The following TENM3 variants were observed in gnomAD, a reference collection of about 807,000 sequenced individuals.
TENM3 encodes teneurin transmembrane protein 3, also known as teneurin-3.
Under a neutral mutation model 255.1 loss-of-function variants are expected in TENM3, and 63 were observed. The ratio of observed to expected loss-of-function variants is 0.25; its 90% confidence interval spans 0.20 to 0.30. TENM3 has a LOEUF of 0.30. Ranked by LOEUF, TENM3 falls within the 10% of genes least tolerant of loss-of-function variation. TENM3 has a pLI of 1.00. For synonymous variants in TENM3, 1,306 were observed against 1,322.3 expected, an observed-to-expected ratio of 0.99 and a Z score of 0.27; for missense variants, 2,929 against 3,461.1, an observed-to-expected ratio of 0.85 and a Z score of 3.86.
intron 3 of TENM3, among the ~76,000 whole-genome samples, chr4:182,559,127 A>ATTTTT (rs70956518): frequency 9.3e-6 from 1 of 107,480 alleles, no homozygotes; most frequent in African/African-American, 3.8e-5. Context: ...ATTCCTCGGG[A>ATTTTT]TTTTTTTTTT....
the TENM3 span, among the ~76,000 whole-genome samples, chr4:181,598,691 A>G: frequency 2.0e-5 from 3 of 151,798 alleles, no homozygotes; most frequent in Non-Finnish European, 1.5e-5. Flanking sequence ...AGCATAAGAA[A>G]AAAAAAAAAG....
intron 3 of TENM3, among the ~76,000 whole-genome samples, chr4:182,530,204 C>G (rs1020388828): frequency 2.6e-5 from 4 of 152,116 alleles, no homozygotes; most frequent in African/African-American, 9.7e-5. Context: ...GGCATTGAAA[C>G]TCAGACCGCA....
At chr4:181,591,590 T>C in the TENM3 span, among the ~76,000 whole-genome samples, 3 of 152,228 alleles carry the variant, frequency 2.0e-5, no homozygotes, top group East Asian at 3.9e-4. Context: ...AAGTCAGGAA[T>C]TGGGCCACAC....
the TENM3 span, among the ~76,000 whole-genome samples, chr4:181,638,999 G>A: frequency 1.3e-5 from 2 of 152,086 alleles, no homozygotes; most frequent in African/African-American, 2.4e-5. Context: ...TGATCTAACT[G>A]GACAAATTGT....
At chr4:181,568,528 C>T in the TENM3 span, among the ~76,000 whole-genome samples, 11 of 152,014 alleles carry the variant, frequency 7.2e-5, no homozygotes, top group Admixed American at 2.6e-4. Flanking sequence ...TTGGGGTCCA[C>T]GTATCCTCAT....
chr4:181,972,436 C>CA, the TENM3 span, among the ~76,000 whole-genome samples: 24,740 of 115,048 alleles, frequency 0.22, 3,120 homozygotes, highest in African/African-American at 0.37. Flanking sequence ...CCTCCTTGTC[C>CA]AAAAAAAAAA....
the TENM3 span, among the ~76,000 whole-genome samples, chr4:181,741,917 T>G: frequency 6.6e-6 from 1 of 152,212 alleles, no homozygotes; most frequent in African/African-American, 2.4e-5. Flanking sequence ...GTTTTCACCC[T>G]CTAGCTACAC....
chr4:182,477,363 C>T (rs144407139), intron 3 of TENM3, among the ~76,000 whole-genome samples: 2 of 152,288 alleles, frequency 1.3e-5, no homozygotes, highest in Admixed American at 6.5e-5. Flanking sequence ...CCGTCATCAG[C>T]GTTCCACCTT....
At chr4:181,550,477 T>C in the TENM3 span, among the ~76,000 whole-genome samples, 23 of 152,198 alleles carry the variant, frequency 1.5e-4, no homozygotes, top group African/African-American at 5.1e-4. Flanking sequence ...TTTTTGTGAC[T>C]GAACAGTATG....
intron 1 of TENM3, among the ~76,000 whole-genome samples, chr4:182,267,716 A>T (rs1021920808): frequency 1.4e-4 from 12 of 86,402 alleles, no homozygotes; most frequent in African/African-American, 3.7e-4. Flanking sequence ...AAGCCAATTT[A>T]AAAAAAAAAA....
the TENM3 span, among the ~76,000 whole-genome samples, chr4:181,771,121 T>A: frequency 6.6e-6 from 1 of 152,230 alleles, no homozygotes; most frequent in Non-Finnish European, 1.5e-5. Flanking sequence ...CCTGGTAGAA[T>A]GTGATGAATT....
chr4:181,874,887 A>T, the TENM3 span, among the ~76,000 whole-genome samples: 1 of 152,190 alleles, frequency 6.6e-6, no homozygotes, highest in African/African-American at 2.4e-5. Context: ...ACAAATATAG[A>T]GTTCCCTCTA....
At chr4:182,489,713 G>A (rs187718893) in intron 3 of TENM3, among the ~76,000 whole-genome samples, 1 of 152,052 alleles carries the variant, frequency 6.6e-6, no homozygotes, top group East Asian at 1.9e-4. Flanking sequence ...TGCTCCTTAA[G>A]CAAAACATTG....
At chr4:181,805,597 T>TGTGTG in the TENM3 span, among the ~76,000 whole-genome samples, 8 of 150,440 alleles carry the variant, frequency 5.3e-5, no homozygotes, top group Non-Finnish European at 1.0e-4. Flanking sequence ...GTGTGCACTT[T>TGTGTG]TGTGTGTGTG....
chr4:182,201,938 C>T (rs183121190), intron 1 of TENM3, among the ~76,000 whole-genome samples: 1 of 152,088 alleles, frequency 6.6e-6, no homozygotes, highest in Admixed American at 6.5e-5. Context: ...TTGGTAGAAA[C>T]ACCACCCCAG....
At chr4:182,117,274 G>T in the TENM3 span, among the ~76,000 whole-genome samples, 1 of 152,232 alleles carries the variant, frequency 6.6e-6, no homozygotes, top group Admixed American at 6.5e-5. Context: ...CAGAGCAAAA[G>T]ATTTTAAGTT....
chr4:182,297,181 C>CAA (rs1029234348), intron 1 of TENM3, among the ~76,000 whole-genome samples: 7 of 152,166 alleles, frequency 4.6e-5, no homozygotes, highest in African/African-American at 1.7e-4. Context: ...GTGGAGAACT[C>CAA]AAATTCCCAT....
chr4:182,352,683 C>T (rs941568645), intron 3 of TENM3, among the ~76,000 whole-genome samples: 14 of 152,186 alleles, frequency 9.2e-5, no homozygotes, highest in African/African-American at 2.6e-4. Flanking sequence ...TTCAAGGAAC[C>T]AATTTCACTT....
chr4:181,815,462 CA>C, the TENM3 span, among the ~76,000 whole-genome samples: 390 of 82,040 alleles, frequency 4.8e-3, 5 homozygotes, highest in African/African-American at 0.01. Flanking sequence ...GACTCCCTAT[CA>C]AAAAAAAAAA....
Sources: allele counts gnomAD v4.1 joint callset (sites outside exome capture counted in the v4.1 genomes callset), GRCh38; gene constraint gnomAD v4.1.1; transcripts MANE v1.5; gene names NCBI Gene and HGNC (gene_info 2026-07-23, HGNC 2026-07-21).